Variants in ZNF678 observed in about 807,000 individuals in gnomAD.
ZNF678 encodes the protein zinc finger protein 678.
In ZNF678, 5 loss-of-function variants were observed where a neutral mutation model predicts 3.0. That is an observed-to-expected ratio of 1.69 (90% CI 0.88 to 3.56). The LOEUF is 3.56. Among genes scored for constraint, ZNF678 ranks in the 30% most tolerant of loss-of-function variants. ZNF678 has a pLI of 0.00. For missense variants in ZNF678, 593 were observed against 605.0 expected (o/e 0.98, Z 0.21); for synonymous variants, 218 against 199.6 (o/e 1.09, Z -0.78).
chr1:227,636,298 A>G (rs920385651), intron 1 of ZNF678, among the ~76,000 whole-genome samples: 8 of 152,072 alleles, frequency 5.3e-5, no homozygotes, highest in Non-Finnish European at 1.2e-4. Context: ...GATTTCTAGA[A>G]CCGTTTTTCT....
intron 2 of ZNF678, among the ~76,000 whole-genome samples, chr1:227,647,244 C>T (rs915593997): frequency 3.7e-4 from 56 of 152,276 alleles, no homozygotes; most frequent in African/African-American, 1.3e-3. Context: ...GCAACAAAAG[C>T]AAAACTCCGT....
chr1:227,664,078 G>C (rs1659461741), downstream of ZNF678, among the ~76,000 whole-genome samples: 1 of 152,026 alleles, frequency 6.6e-6, no homozygotes, highest in South Asian at 2.1e-4. Context: ...GTCATCACGG[G>C]GACACTTCCA....
intron 1 of ZNF678, among the ~76,000 whole-genome samples, chr1:227,596,593 T>A (rs753681936): frequency 1.6e-4 from 25 of 152,212 alleles, no homozygotes; most frequent in Non-Finnish European, 1.2e-4. Context: ...AGTTTTTACT[T>A]CTTCTTTCTT....
At chr1:227,650,204 T>C (rs1659056439) in intron 2 of ZNF678, among the ~76,000 whole-genome samples, 1 of 152,208 alleles carries the variant, frequency 6.6e-6, no homozygotes, top group Admixed American at 6.5e-5. Context: ...AAGAAAAAAT[T>C]GTCTAATTTC....
intron 1 of ZNF678, among the ~76,000 whole-genome samples, chr1:227,600,500 A>T (rs914875140): frequency 6.6e-6 from 1 of 152,142 alleles, no homozygotes; most frequent in Non-Finnish European, 1.5e-5. Flanking sequence ...CTGGTGTGAG[A>T]TGATATCTCA....
At chr1:227,618,412 C>G (rs1658193388) in intron 1 of ZNF678, among the ~76,000 whole-genome samples, 1 of 152,200 alleles carries the variant, frequency 6.6e-6, no homozygotes, top group Non-Finnish European at 1.5e-5. Context: ...ACACCCAGAT[C>G]ACGGTTGGCA....
At position 227,655,705 on chromosome 1, in the gene ZNF678, AG is replaced by A. The variant is rs760351607; in HGVS notation, c.1456del (p.Glu486ArgfsTer65). The A allele has an allele frequency of 1.9e-5, 30 of 1,612,756 alleles. No individual in the cohort carries two copies. The highest frequency in any genetic ancestry group is 2.5e-5 in the Non-Finnish European group (30 of 1,179,180). On this transcript the variant is annotated frameshift_variant, in exon 4 of 4. Transcript: ENST00000343776. LOFTEE classifies it low-confidence loss of function (END_TRUNC). ...CTCGTCATAAAAGAATTCATACTGGAGAGAAACGCTACAAATGTAAAGAATG... is the reference window on the plus strand; with the variant it reads ...CTCGTCATAAAAGAATTCATACTGGAAGAAACGCTACAAATGTAAAGAATG... ...LTRHKRIHTG[E>X]KRYKCKECGK...
chr1:227,579,982 C>T (rs1657084921), intron 1 of ZNF678, among the ~76,000 whole-genome samples: 1 of 152,146 alleles, frequency 6.6e-6, no homozygotes, highest in Non-Finnish European at 1.5e-5. Flanking sequence ...GTAGGGGTTG[C>T]AGCTCTAAGG....
At chr1:227,566,983 G>A (rs574150605) in intron 1 of ZNF678, among the ~76,000 whole-genome samples, 1 of 152,258 alleles carries the variant, frequency 6.6e-6, no homozygotes, top group South Asian at 2.1e-4. Context: ...AAGACAGTAT[G>A]GTAGATTAAT....
At chr1:227,629,579 C>A (rs1658500443) in intron 1 of ZNF678, among the ~76,000 whole-genome samples, 1 of 152,240 alleles carries the variant, frequency 6.6e-6, no homozygotes, top group South Asian at 2.1e-4. Flanking sequence ...AAGGCCGTGC[C>A]AGTGTCCAGG....
intron 1 of ZNF678, among the ~76,000 whole-genome samples, chr1:227,580,488 T>G (rs1657097490): frequency 6.6e-6 from 1 of 152,216 alleles, no homozygotes; most frequent in African/African-American, 2.4e-5. Flanking sequence ...CACAGTGAAT[T>G]TTTGTTTTCA....
At chr1:227,587,816 CTTTTT>C (rs199804279) in intron 1 of ZNF678, among the ~76,000 whole-genome samples, 4 of 127,686 alleles carry the variant, frequency 3.1e-5, no homozygotes, top group African/African-American at 1.2e-4. Context: ...TCACCCTTTC[CTTTTT>C]TTTTTTTTTT....
At chr1:227,651,729 C>G (rs2102802557) in intron 3 of ZNF678, among the ~76,000 whole-genome samples, 1 of 152,278 alleles carries the variant, frequency 6.6e-6, no homozygotes, top group South Asian at 2.1e-4. Flanking sequence ...CTGCCTGAAT[C>G]ACAAAGCAAT....
rs776906880 is a variant in ZNF678, at chr1:227,654,352, C to G, written c.102C>G (p.Ser34=). The part of the protein sequence containing the change: ...KLVYTAILSY[S]IQDLLPEQDM... ...TTCTTTCAGCTATTTTATCTTATTC[C>G]ATTCAAGACCTTTTGCCAGAGCAGG... Residue 34 remains serine (S), a synonymous_variant, in exon 4 of 4, where the codon TCC becomes TCG. Transcript: ENST00000343776. 1 of 1,537,640 alleles carries G rather than the reference C, an allele frequency of 6.5e-7. No individual in the cohort carries two copies. The highest frequency in any genetic ancestry group is 8.7e-7 in the Non-Finnish European group (1 of 1,147,174).
At chr1:227,653,944 C>CAATGTAT (rs1659149662) in intron 3 of ZNF678, among the ~76,000 whole-genome samples, 1 of 151,964 alleles carries the variant, frequency 6.6e-6, no homozygotes, top group African/African-American at 2.4e-5. Context: ...GGCACATGTG[C>CAATGTAT]AATGTATTGT....
intron 1 of ZNF678, 144 bp downstream of exon 1, chr1:227,563,868 C>T (rs1656598463): frequency 1.4e-6 from 1 of 700,962 alleles, no homozygotes; most frequent in Admixed American, 2.7e-5. Context: ...GCGGGATTCT[C>T]CTCCCATCAC....
At chr1:227,579,960 T>C (rs146628230) in intron 1 of ZNF678, among the ~76,000 whole-genome samples, 200 of 152,272 alleles carry the variant, frequency 1.3e-3, no homozygotes, top group Middle Eastern at 0.01. Flanking sequence ...GCTGGCTTGC[T>C]ATCTCTACCA....
chr1:227,569,919 C>T (rs796997445), intron 1 of ZNF678, among the ~76,000 whole-genome samples: 39 of 146,532 alleles, frequency 2.7e-4, no homozygotes, highest in African/African-American at 2.8e-4. Context: ...GAACTGGTTT[C>T]AGTAGGTAAA....
intron 1 of ZNF678, chr1:227,598,978 C>A: frequency 8.8e-7 from 1 of 1,131,074 alleles, no homozygotes. Flanking sequence ...TCAAATTCAG[C>A]CAAAACCTTG....
Sources: gnomAD v4.1 joint callset for allele counts (sites outside exome capture counted in the v4.1 genomes callset) on GRCh38, gnomAD v4.1.1 for gene constraint, MANE v1.5 for transcripts, NCBI Gene and HGNC (gene_info 2026-07-23, HGNC 2026-07-21) for gene names.